The following ERC2 variants were observed in gnomAD, a reference collection of about 807,000 sequenced individuals.
The protein encoded by ERC2 is ERC protein 2.
A neutral mutation model predicts 114.8 loss-of-function variants in ERC2; 42 were observed. That is an observed-to-expected ratio of 0.37 (90% CI 0.29 to 0.47). The LOEUF is 0.47. Ranked by LOEUF, ERC2 falls within the 20% of genes least tolerant of loss-of-function variation. ERC2 has a pLI of 0.99. For missense variants in ERC2, 939 were observed against 1,150.7 expected, an observed-to-expected ratio of 0.82 and a Z score of 2.66; for synonymous variants, 454 against 425.5, an observed-to-expected ratio of 1.07 and a Z score of -0.82.
At chr3:55,983,757 C>T (rs565596678) in intron 12 of ERC2, among the ~76,000 whole-genome samples, 4 of 152,262 alleles carry the variant, frequency 2.6e-5, no homozygotes, top group South Asian at 2.1e-4. Context: ...TTCTAAAATA[C>T]ATGATATGTG....
intron 2 of ERC2, among the ~76,000 whole-genome samples, chr3:56,353,767 C>G (rs1560653271): frequency 6.6e-6 from 1 of 150,566 alleles, no homozygotes; most frequent in Non-Finnish European, 1.5e-5. Context: ...AACAAACCCT[C>G]ACGTTGTGCA....
chr3:56,407,953 A>C (rs967203455), intron 2 of ERC2, among the ~76,000 whole-genome samples: 3 of 152,144 alleles, frequency 2.0e-5, no homozygotes, highest in Non-Finnish European at 1.5e-5. Context: ...TGTCACCTCC[A>C]CAGGGAAGCC....
intron 7 of ERC2, among the ~76,000 whole-genome samples, chr3:56,064,554 T>C (rs2076385208): frequency 6.6e-6 from 1 of 152,196 alleles, no homozygotes; most frequent in Non-Finnish European, 1.5e-5. Context: ...ACAAAAAAGC[T>C]ACAGAACGCA....
chr3:56,105,446 A>T (rs2078601182), intron 6 of ERC2, among the ~76,000 whole-genome samples: 1 of 152,042 alleles, frequency 6.6e-6, no homozygotes, highest in Admixed American at 6.6e-5. Flanking sequence ...CTGAGTAGCT[A>T]GGACTACAGG....
chr3:56,204,217 A>T (rs1382585789), intron 3 of ERC2, among the ~76,000 whole-genome samples: 1 of 152,130 alleles, frequency 6.6e-6, no homozygotes, highest in Non-Finnish European at 1.5e-5. Context: ...CTAACAATAC[A>T]ACTTTGAGTG....
intron 13 of ERC2, among the ~76,000 whole-genome samples, chr3:55,941,676 A>C (rs762082091): frequency 6.6e-6 from 1 of 152,140 alleles, no homozygotes; most frequent in Admixed American, 6.5e-5. Context: ...TTTTGGTTGA[A>C]TTTTCTAAAA....
At chr3:55,988,956 T>C (rs1485047588) in intron 11 of ERC2, among the ~76,000 whole-genome samples, 2 of 152,342 alleles carry the variant, frequency 1.3e-5, no homozygotes, top group East Asian at 3.9e-4. Context: ...CAGCAGATAA[T>C]GCTTCAGAAA....
chr3:56,343,311 C>G (rs755148735), intron 2 of ERC2, among the ~76,000 whole-genome samples: 4 of 151,942 alleles, frequency 2.6e-5, no homozygotes, highest in Non-Finnish European at 5.9e-5. Context: ...TGAAACTCCA[C>G]AAGTCCTGCT....
chr3:56,342,390 C>T (rs2058123453), intron 2 of ERC2, among the ~76,000 whole-genome samples: 1 of 152,178 alleles, frequency 6.6e-6, no homozygotes, highest in Admixed American at 6.5e-5. Context: ...AACAAATATC[C>T]CTAGTGATAC....
At chr3:56,057,855 C>T (rs375577709) in intron 7 of ERC2, among the ~76,000 whole-genome samples, 28 of 151,654 alleles carry the variant, frequency 1.8e-4, no homozygotes, top group African/African-American at 6.3e-4. Context: ...AGGTGAAATA[C>T]TATGGTTAAA....
chr3:55,514,730 A>G (rs1176360246), intron 17 of ERC2, among the ~76,000 whole-genome samples: 4 of 152,220 alleles, frequency 2.6e-5, no homozygotes, highest in Admixed American at 2.6e-4. Flanking sequence ...AAGGAGCTTG[A>G]AGGTGGATGC....
chr3:55,877,496 TTTTTAA>T (rs1306252830), intron 14 of ERC2, among the ~76,000 whole-genome samples: 2 of 150,626 alleles, frequency 1.3e-5, no homozygotes, highest in African/African-American at 4.9e-5. Context: ...CTTTTCTCTT[TTTTTAA>T]TTTTTATTTT....
intron 7 of ERC2, among the ~76,000 whole-genome samples, chr3:56,041,932 C>T (rs146630658): frequency 8.5e-4 from 129 of 152,276 alleles, no homozygotes; most frequent in African/African-American, 2.8e-3. Flanking sequence ...TTTTTAAAAA[C>T]AGATTATTTT....
chr3:56,062,644 C>T (rs563781072), intron 7 of ERC2, among the ~76,000 whole-genome samples: 1 of 152,248 alleles, frequency 6.6e-6, no homozygotes, highest in South Asian at 2.1e-4. Flanking sequence ...ACCCATTGCA[C>T]ACACATGAAC....
At position 56,137,141 on chromosome 3, in the gene ERC2, A is replaced by C. The variant is rs534399771; in HGVS notation, c.1473+2368T>G. Among the ~76,000 whole-genome samples, 16 of 152,304 alleles carry C rather than the reference A, an allele frequency of 1.1e-4. No homozygotes were observed. The South Asian group carries it at 3.1e-3, about 30-fold the overall frequency. The stretch of plus-strand genomic sequence containing the variant: ...CAAGGAATATAGCCTCCATCAGTAT[A>C]AGATAGTGAGAAGAAAAGCCTTTCT... On this transcript the variant is annotated intron_variant, in intron 6 of 17. Transcript: ENST00000288221.
chr3:55,577,501 T>G (rs2057044854), intron 17 of ERC2, among the ~76,000 whole-genome samples: 1 of 152,216 alleles, frequency 6.6e-6, no homozygotes, highest in African/African-American at 2.4e-5. Flanking sequence ...AGCGGCTGCC[T>G]CTATTGCTCT....
chr3:55,965,447 C>A (rs905998395), intron 12 of ERC2, among the ~76,000 whole-genome samples: 2 of 152,176 alleles, frequency 1.3e-5, no homozygotes, highest in Admixed American at 6.5e-5. Flanking sequence ...TGAACATTAA[C>A]CAATGTCCAT....
chr3:55,627,145 A>G (rs996718294), intron 17 of ERC2, among the ~76,000 whole-genome samples: 2 of 152,178 alleles, frequency 1.3e-5, no homozygotes, highest in African/African-American at 2.4e-5. Context: ...CAGCTCCACA[A>G]AACTGTTGGG....
intron 3 of ERC2, among the ~76,000 whole-genome samples, chr3:56,221,502 C>T (rs1360113632): frequency 6.6e-6 from 1 of 152,070 alleles, no homozygotes; most frequent in Non-Finnish European, 1.5e-5. Context: ...ATCTTGCAAC[C>T]TCCTATAGAA....
Sources: gnomAD v4.1 joint callset for allele counts (sites outside exome capture counted in the v4.1 genomes callset) on GRCh38, gnomAD v4.1.1 for gene constraint, MANE v1.5 for transcripts, NCBI Gene and HGNC (gene_info 2026-07-23, HGNC 2026-07-21) for gene names.